AP3S1: variants seen among roughly 807,000 people sequenced by gnomAD.
AP3S1 encodes AP-3 complex subunit sigma-1.
Under a neutral mutation model 21.3 loss-of-function variants are expected in AP3S1, and 12 were observed. The ratio of observed to expected loss-of-function variants is 0.56; its 90% CI spans 0.36 to 0.91. The LOEUF is 0.91. Among genes scored for constraint, AP3S1 ranks in the 40% least tolerant of loss-of-function variants. AP3S1 has a pLI of 0.01. For synonymous variants in AP3S1, 48 were observed against 78.4 expected (o/e 0.61, Z 2.05); for missense variants, 116 against 225.0 (o/e 0.52, Z 3.10).
Position 115,860,695 on chromosome 5 carries a change from A to G in AP3S1, c.70-5975A>G, listed in dbSNP as rs191832874. Among the ~76,000 whole-genome samples, 94 of 152,302 alleles carry G rather than the reference A, an allele frequency of 6.2e-4. 2 individuals carry two copies. Among genetic ancestry groups the G allele is most frequent in the Middle Eastern group, 3.4e-3 (1 of 294 alleles). On this transcript the variant is annotated intron_variant, in intron 1 of 5. Coordinates refer to ENST00000316788, the MANE Select transcript of AP3S1 (RefSeq NM_001284.4). ...CTGAGAATACTTTAACACTTATTTA[A>G]ACACTTTCAAGATTTTGTTGTTGTT...
chr5:115,853,204 C>G (rs1429962779), intron 1 of AP3S1, among the ~76,000 whole-genome samples: 1 of 152,142 alleles, frequency 6.6e-6, no homozygotes, highest in Non-Finnish European at 1.5e-5. Context: ...GTGATTTTCA[C>G]TTACATTTTC....
chr5:115,901,396 T>G (rs1751197913), intron 4 of AP3S1, among the ~76,000 whole-genome samples: 1 of 149,152 alleles, frequency 6.7e-6, no homozygotes, highest in Non-Finnish European at 1.5e-5. Context: ...TATATTCTTT[T>G]TTTTTTTTTT....
At chr5:115,870,740 A>G (rs549201431) in intron 3 of AP3S1, among the ~76,000 whole-genome samples, 9 of 152,280 alleles carry the variant, frequency 5.9e-5, no homozygotes, top group Non-Finnish European at 1.2e-4. Flanking sequence ...CCATTTAGTT[A>G]TAGTCATCAC....
At chr5:115,902,558 TAATA>T (rs1751304792) in intron 4 of AP3S1, among the ~76,000 whole-genome samples, 1 of 152,176 alleles carries the variant, frequency 6.6e-6, no homozygotes, top group African/African-American at 2.4e-5. Flanking sequence ...CACATAATAA[TAATA>T]ATAATGGTAG....
chr5:115,858,875 G>T (rs983109415), intron 1 of AP3S1, among the ~76,000 whole-genome samples: 1 of 149,018 alleles, frequency 6.7e-6, no homozygotes, highest in African/African-American at 2.4e-5. Context: ...TTTTTACTTG[G>T]TTTGTTTCCT....
intron 3 of AP3S1, among the ~76,000 whole-genome samples, chr5:115,885,109 AT>A (rs1256959385): frequency 6.6e-6 from 1 of 152,178 alleles, no homozygotes; most frequent in African/African-American, 2.4e-5. Context: ...CTTTCTTGAG[AT>A]ATTTCATTAT....
At chr5:115,848,865 C>T (rs1412329177) in intron 1 of AP3S1, among the ~76,000 whole-genome samples, 2 of 152,178 alleles carry the variant, frequency 1.3e-5, no homozygotes, top group African/African-American at 4.8e-5. Context: ...AAACAGCTTT[C>T]TTTGCTGAAG....
At chr5:115,842,191 C>T (rs2112746460) in intron 1 of AP3S1, 85 bp downstream of exon 1, 1 of 1,476,184 alleles carries the variant, frequency 6.8e-7, no homozygotes, top group East Asian at 2.9e-5. Flanking sequence ...AGAGCGACCC[C>T]CTCCGGCGCG....
At chr5:115,861,913 C>G (rs1368100627) in intron 1 of AP3S1, among the ~76,000 whole-genome samples, 6 of 136,274 alleles carry the variant, frequency 4.4e-5, no homozygotes, top group Non-Finnish European at 9.2e-5. Flanking sequence ...GTTGCCCAGG[C>G]TGATCTTGAA....
intron 1 of AP3S1, among the ~76,000 whole-genome samples, chr5:115,864,534 G>T (rs951304354): frequency 2.0e-5 from 3 of 152,194 alleles, no homozygotes; most frequent in African/African-American, 4.8e-5. Context: ...GTCTGGAAGG[G>T]TGACATCATT....
chr5:115,866,232 A>G (rs1182819942), intron 1 of AP3S1, among the ~76,000 whole-genome samples: 4 of 152,234 alleles, frequency 2.6e-5, no homozygotes, highest in Non-Finnish European at 5.9e-5. Context: ...TATATTTAGT[A>G]AAGGTTAAAC....
chr5:115,846,867 A>G (rs1762103740), intron 1 of AP3S1, among the ~76,000 whole-genome samples: 1 of 152,192 alleles, frequency 6.6e-6, no homozygotes, highest in African/African-American at 2.4e-5. Flanking sequence ...GTTTGTCTGC[A>G]TAAATTGGGT....
At chr5:115,854,772 A>C (rs966523287) in intron 1 of AP3S1, among the ~76,000 whole-genome samples, 1 of 150,494 alleles carries the variant, frequency 6.6e-6, no homozygotes, top group Non-Finnish European at 1.5e-5. Context: ...TCTGCCCTTC[A>C]TGTAACTTCA....
At chr5:115,869,132 A>G (rs1462334218) in intron 2 of AP3S1, among the ~76,000 whole-genome samples, 4 of 152,330 alleles carry the variant, frequency 2.6e-5, no homozygotes, top group South Asian at 2.1e-4. Context: ...TAGCTAAACT[A>G]TATTTAGAAA....
chr5:115,906,853 G>T, intron 5 of AP3S1: 8 of 1,519,578 alleles, frequency 5.3e-6, no homozygotes, highest in Non-Finnish European at 7.0e-6. Context: ...GACAGGACAG[G>T]TAGACAAGGT....
chr5:115,898,407 T>C (rs1378323501), intron 4 of AP3S1, among the ~76,000 whole-genome samples: 1 of 152,218 alleles, frequency 6.6e-6, no homozygotes, highest in African/African-American at 2.4e-5. Context: ...TAGGCTAGTG[T>C]AGTCACCCTG....
intron 4 of AP3S1, among the ~76,000 whole-genome samples, chr5:115,897,409 C>T (rs1489395851): frequency 6.6e-6 from 1 of 152,122 alleles, no homozygotes; most frequent in Non-Finnish European, 1.5e-5. Flanking sequence ...TAAGTGTTTC[C>T]TTTCTATTCG....
At chr5:115,852,550 C>T (rs546772949) in intron 1 of AP3S1, among the ~76,000 whole-genome samples, 3 of 152,174 alleles carry the variant, frequency 2.0e-5, no homozygotes, top group Non-Finnish European at 4.4e-5. Flanking sequence ...GTGCAACCAT[C>T]GCCACAATCT....
At chr5:115,882,361 T>C (rs1414173135) in intron 3 of AP3S1, among the ~76,000 whole-genome samples, 7 of 152,278 alleles carry the variant, frequency 4.6e-5, no homozygotes, top group Admixed American at 2.0e-4. Flanking sequence ...GCCTTTGGTG[T>C]TGGTGACCTT....
Sources: gnomAD v4.1 joint callset for allele counts (sites outside exome capture counted in the v4.1 genomes callset) on GRCh38, gnomAD v4.1.1 for gene constraint, MANE v1.5 for transcripts, NCBI Gene and HGNC (gene_info 2026-07-23, HGNC 2026-07-21) for gene names.